Variants in SEPTIN9 observed in about 807,000 individuals in gnomAD.
SEPTIN9 encodes the protein septin-9.
SEPTIN9 carries 13 observed loss-of-function variants against 56.6 expected under a neutral mutation model. That is an observed-to-expected ratio of 0.23 (90% CI 0.15 to 0.37). The LOEUF (loss-of-function observed/expected upper bound fraction) is 0.37, where lower values mean the gene tolerates loss of function less well. Ranked by LOEUF, SEPTIN9 falls within the 10% of genes least tolerant of loss-of-function variation. SEPTIN9 has a pLI of 1.00. For missense variants in SEPTIN9, 650 were observed against 823.1 expected (o/e 0.79, Z 2.57); for synonymous variants, 332 against 334.1 (o/e 0.99, Z 0.07).
At chr17:77,485,900 A>G (rs145963798) in intron 4 of SEPTIN9, among the ~76,000 whole-genome samples, 3,986 of 151,732 alleles carry the variant, frequency 0.026, 161 homozygotes, top group African/African-American at 0.091. Flanking sequence ...GTGCAGTGGC[A>G]TGGTCTTGAC....
intron 3 of SEPTIN9, among the ~76,000 whole-genome samples, chr17:77,427,473 C>T (rs2036956449): frequency 6.6e-6 from 1 of 152,202 alleles, no homozygotes; most frequent in Admixed American, 6.5e-5. Context: ...AGATGCCCCA[C>T]CTCACTTCCC....
chr17:77,415,080 C>T (rs1423443711), intron 3 of SEPTIN9, among the ~76,000 whole-genome samples: 1 of 151,926 alleles, frequency 6.6e-6, no homozygotes, highest in African/African-American at 2.4e-5. Flanking sequence ...TTGCTGCCAC[C>T]GCTGGTGAGT....
In SEPTIN9 at chr17:77,450,770, C is replaced by T. The variant is rs147273802; in HGVS notation, c.722-31374C>T. On this transcript the variant is annotated intron_variant, in intron 3 of 11. Coordinates refer to ENST00000427177, the MANE Select transcript of SEPTIN9 (RefSeq NM_001113491.2). The surrounding 1 kb of genome is among the most constrained non-coding windows in gnomAD (Gnocchi z 6.0). ...GATCAGATCTGAATCCAGAGGCTCT[C>T]GGAGGAAGAGCTCAGGGTGAGCTGC... 7.6e-4 allele frequency: 753 copies of T among 986,006 alleles called. No homozygotes were observed. The Middle Eastern group carries it at 0.017, about 22-fold the overall frequency. 61.1% of individuals were successfully genotyped at this position (986,006 alleles called of 1,614,324 possible). A position where few individuals can be genotyped will look rare whatever the true frequency, so the allele number is the denominator to read the frequency against.
chr17:77,283,572 C>T (rs2031135562), intron 1 of SEPTIN9, among the ~76,000 whole-genome samples: 1 of 152,178 alleles, frequency 6.6e-6, no homozygotes, highest in Non-Finnish European at 1.5e-5. Context: ...TGTTAAAAAT[C>T]CCCCAAGGCT....
chr17:77,367,000 G>C (rs1361665787), intron 2 of SEPTIN9, among the ~76,000 whole-genome samples: 2 of 152,222 alleles, frequency 1.3e-5, no homozygotes, highest in Admixed American at 1.3e-4. Flanking sequence ...AAGCAGGCTG[G>C]GGGGATCACT....
At chr17:77,497,635 G>T (rs1334258744) in intron 11 of SEPTIN9, 2 of 556,842 alleles carry the variant, frequency 3.6e-6, no homozygotes, top group Non-Finnish European at 6.5e-6. Context: ...GGTCTGGCCC[G>T]TTAGAGCTGC....
intron 2 of SEPTIN9, among the ~76,000 whole-genome samples, chr17:77,341,043 C>T (rs2033709141): frequency 6.6e-6 from 1 of 152,226 alleles, no homozygotes; most frequent in African/African-American, 2.4e-5. Context: ...AAACTTTCTT[C>T]ATATCAGCAT....
In SEPTIN9 at chr17:77,475,724, A is replaced by T; in HGVS notation, c.722-6420A>T. ...AGGCAAGGAAGTCTTCGCCGGGGCA[A>T]GGGCACCAGCTGTAGATGCCGGCAG... On this transcript the variant is annotated intron_variant, in intron 3 of 11. Coordinates refer to ENST00000427177, the MANE Select transcript of SEPTIN9 (RefSeq NM_001113491.2). This position sits in a 1 kb window ranked among gnomAD's most constrained non-coding sequence, Gnocchi z 4.6. 6.2e-7 allele frequency: 1 copy of T among 1,613,362 alleles called. No individual in the cohort carries two copies. The highest frequency in any genetic ancestry group is 1.1e-5 in the South Asian group (1 of 91,088).
chr17:77,320,202 T>C (rs2032856847), intron 2 of SEPTIN9: 4 of 1,595,522 alleles, frequency 2.5e-6, no homozygotes, highest in Non-Finnish European at 3.4e-6. Context: ...AGACAAAGAG[T>C]GTTTTTAGAG....
Position 77,451,270 on chromosome 17 carries a change from G to A in SEPTIN9, c.722-30874G>A. On this transcript the variant is annotated intron_variant, in intron 3 of 11. Transcript: ENST00000427177. This position sits in a 1 kb window ranked among gnomAD's most constrained non-coding sequence, Gnocchi z 4.2. ...TGCCTTCAGGTTGCTTCTGCGCCGG[G>A]CCTGCCGCTGGGCGCCCCTATCTCT... 1 of 709,832 alleles carries A rather than the reference G, an allele frequency of 1.4e-6. No homozygotes were observed. The highest frequency in any genetic ancestry group is 1.9e-5 in the African/African-American group (1 of 51,996). 44.0% of individuals were successfully genotyped at this position (709,832 alleles called of 1,614,324 possible).
chr17:77,464,559 G>A (rs947193039), intron 3 of SEPTIN9, among the ~76,000 whole-genome samples: 25 of 151,920 alleles, frequency 1.6e-4, no homozygotes, highest in African/African-American at 5.1e-4. Flanking sequence ...ATGTTTGACC[G>A]GTTACCTAGG....
intron 2 of SEPTIN9, among the ~76,000 whole-genome samples, chr17:77,307,588 C>T (rs1448247358): frequency 1.3e-5 from 2 of 152,042 alleles, no homozygotes; most frequent in African/African-American, 2.4e-5. Context: ...TCTGTGGGCT[C>T]CCTGCAACCT....
At chr17:77,288,278 A>G in intron 1 of SEPTIN9, 5 of 938,952 alleles carry the variant, frequency 5.3e-6, no homozygotes, top group Non-Finnish European at 6.5e-6. Context: ...GGCCTGCGCC[A>G]TGGCCGGGGC....
chr17:77,498,677 C>CCCGGGTCCTGCCCCCCAATCATTTT lies in SEPTIN9; in HGVS notation c.*20_*21insCGGGTCCTGCCCCCCAATCATTTTC. 6.6e-7 allele frequency: 1 copy of CCCGGGTCCTGCCCCCCAATCATTTT among 1,521,670 alleles called. No homozygotes were observed. The highest frequency in any genetic ancestry group is 1.2e-5 in the South Asian group (1 of 85,906). The allele number at this position is 1,521,670 out of a possible 1,614,324, so 94.3% of individuals were successfully genotyped here. A position where few individuals can be genotyped will look rare whatever the true frequency, so the allele number is the denominator to read the frequency against. ...GATGTAGACGCCACCCTGCCCACCC[C>CCCGGGTCCTGCCCCCCAATCATTTT]CGGGATCCTGCCCCCAAGTCATTTC... On this transcript the variant is annotated 3_prime_UTR_variant, in exon 12 of 12. Coordinates refer to ENST00000427177, the MANE Select transcript of SEPTIN9 (RefSeq NM_001113491.2).
intron 2 of SEPTIN9, among the ~76,000 whole-genome samples, chr17:77,359,852 A>G (rs545012347): frequency 6.6e-6 from 1 of 151,940 alleles, no homozygotes; most frequent in Non-Finnish European, 1.5e-5. Context: ...TGAGCACATA[A>G]CTCCAGATGT....
chr17:77,493,595 A>G (rs1284226244), intron 10 of SEPTIN9, among the ~76,000 whole-genome samples: 1 of 152,084 alleles, frequency 6.6e-6, no homozygotes, highest in Non-Finnish European at 1.5e-5. Flanking sequence ...GAGGTCCGAA[A>G]TCAGGGGCTG....
In SEPTIN9 at chr17:77,329,437, G is replaced by A. The variant is rs190832206; in HGVS notation, c.76+22240G>A. ...GGTGGCTGCCGGCTTTAGGAGGAGC[G>A]CTTTTGGTGTCTGAGCCCAGTGGTC... On this transcript the variant is annotated intron_variant, in intron 2 of 11. Coordinates refer to ENST00000427177, the MANE Select transcript of SEPTIN9 (RefSeq NM_001113491.2). The surrounding 1 kb of genome is among the most constrained non-coding windows in gnomAD (Gnocchi z 4.3). Among the ~76,000 whole-genome samples, 588 of 152,314 alleles carry A rather than the reference G, an allele frequency of 3.9e-3. 10 individuals are homozygous for A. The highest frequency in any genetic ancestry group is 0.013 in the African/African-American group (559 of 41,566).
In SEPTIN9 at chr17:77,425,905, G is replaced by C. The variant is rs1168937881; in HGVS notation, c.721+23202G>C. 6.6e-6 allele frequency among the ~76,000 whole-genome samples: 1 copy of C among 152,250 alleles called. No homozygotes were observed. The highest frequency in any genetic ancestry group is 1.5e-5 in the Non-Finnish European group (1 of 68,046). ...GGAGCTGAGCATCCTGATCTGTAGA[G>C]GAGAGGCTGCTGTGCCGGCCCCGCA... On this transcript the variant is annotated intron_variant, in intron 3 of 11. Coordinates refer to ENST00000427177, the MANE Select transcript of SEPTIN9 (RefSeq NM_001113491.2). This position sits in a 1 kb window ranked among gnomAD's most constrained non-coding sequence, Gnocchi z 4.2.
At chr17:77,397,375 G>T (rs928388389) in intron 2 of SEPTIN9, among the ~76,000 whole-genome samples, 15 of 152,038 alleles carry the variant, frequency 9.9e-5, no homozygotes, top group African/African-American at 3.6e-4. Flanking sequence ...CTCCTATAAG[G>T]ACACCGAGCA....
Sources: allele counts gnomAD v4.1 joint callset (sites outside exome capture counted in the v4.1 genomes callset), GRCh38; gene constraint gnomAD v4.1.1; non-coding constraint Gnocchi (gnomAD v3.1); transcripts MANE v1.5; gene names NCBI Gene and HGNC (gene_info 2026-07-23, HGNC 2026-07-21).